Variants in TTC7B observed in about 807,000 individuals in gnomAD.
TTC7B encodes tetratricopeptide repeat domain 7B, also known as tetratricopeptide repeat protein 7B.
In TTC7B, 28 loss-of-function variants were observed where a neutral mutation model predicts 106.8. The ratio of observed to expected loss-of-function variants is 0.26; its 90% CI spans 0.19 to 0.36. TTC7B has a LOEUF of 0.36. Among genes scored for constraint, TTC7B ranks in the 10% least tolerant of loss-of-function variants. TTC7B has a pLI of 1.00. For missense variants in TTC7B, 862 were observed against 1,076.4 expected (o/e 0.80, Z 2.79); for synonymous variants, 405 against 430.6 (o/e 0.94, Z 0.74).
chr14:90,689,888 GAAAAT>G (rs1312607924), intron 6 of TTC7B, among the ~76,000 whole-genome samples, 176 bp from the exon 7 acceptor site: 2 of 152,164 alleles, frequency 1.3e-5, no homozygotes, highest in East Asian at 3.8e-4. Flanking sequence ...AGAAAGAAAA[GAAAAT>G]ATGATTCACT....
rs374076295 is a variant in TTC7B, at chr14:90,744,950, G to A, written c.446-28C>T. 5.0e-6 allele frequency: 8 copies of A among 1,609,698 alleles called. 1 individual carries two copies. Among genetic ancestry groups the A allele is most frequent in the Non-Finnish European group, 5.9e-6 (7 of 1,178,938 alleles). On this transcript the variant is annotated intron_variant, in intron 3 of 19. Transcript: ENST00000328459. ...TAAAAAAATATCAGACACAAAAACT[G>A]AGTGAATTTTTTTTCATAAGGCTTC...
intron 15 of TTC7B, among the ~76,000 whole-genome samples, chr14:90,643,349 A>C (rs888442548): frequency 2.0e-5 from 3 of 152,020 alleles, no homozygotes; most frequent in African/African-American, 7.2e-5. Context: ...TGGAGGTTGC[A>C]GTGAGCCGAG....
At position 90,533,513 on chromosome 14, in the gene TTC7B, C is replaced by T. The variant is rs1889336359; in HGVS notation, c.*7855G>A. On this transcript the variant is annotated 3_prime_UTR_variant, in exon 20 of 20. Transcript: ENST00000328459. ...GAAGGAAAGACTTTATGGTGCACCC[C>T]GGGGGCCCCATGCCCTGTCCAGGTT... 1 of 152,430 alleles carries T rather than the reference C, an allele frequency of 6.6e-6. No individual in the cohort carries two copies. Among genetic ancestry groups the T allele is most frequent in the African/African-American group, 2.4e-5 (1 of 41,446 alleles). 9.4% of individuals were successfully genotyped at this position (152,430 alleles called of 1,614,324 possible).
chr14:90,641,342 T>C (rs1020195538), intron 15 of TTC7B, among the ~76,000 whole-genome samples: 1 of 152,210 alleles, frequency 6.6e-6, no homozygotes, highest in Non-Finnish European at 1.5e-5. Context: ...AGGGAAGGTT[T>C]CACCTCCATC....
chr14:90,664,449 T>A lies in TTC7B; in HGVS notation c.1153-6062A>T, dbSNP rs185543680. Among the ~76,000 whole-genome samples, 272 of 152,124 alleles carry A rather than the reference T, an allele frequency of 1.8e-3. 3 individuals are homozygous for A. Among genetic ancestry groups the A allele is most frequent in the African/African-American group, 6.3e-3 (260 of 41,484 alleles). ...CAGGCCCAGCTAATTTTTTGTATTT[T>A]TAGTAGAGATGGGGTTTCACCATGT... is the stretch of plus-strand genomic sequence containing the variant. On this transcript the variant is annotated intron_variant, in intron 9 of 19. Transcript: ENST00000328459.
chr14:90,561,228 G>A (rs1056495773), intron 19 of TTC7B, among the ~76,000 whole-genome samples: 2 of 152,214 alleles, frequency 1.3e-5, no homozygotes, highest in African/African-American at 4.8e-5. Context: ...TCCCCCGAGG[G>A]GCTGGGCCGG....
intron 3 of TTC7B, among the ~76,000 whole-genome samples, chr14:90,753,751 C>G (rs970387209): frequency 2.2e-4 from 34 of 152,206 alleles, no homozygotes; most frequent in Non-Finnish European, 8.8e-5. Flanking sequence ...TTGCTGTTTT[C>G]CTGCCAGAGA....
Position 90,632,155 on chromosome 14 carries a change from C to A in TTC7B, c.1751+11893G>T, listed in dbSNP as rs1884730579. ...CTGTGTGCTCACTCCTTCCAGACAT[C>A]CTTCAGGTATCAGTGGATCATTTCT... is the stretch of plus-strand genomic sequence containing the variant. On this transcript the variant is annotated intron_variant, in intron 15 of 19. Coordinates refer to ENST00000328459, the MANE Select transcript of TTC7B (RefSeq NM_001010854.2). 2.0e-5 allele frequency among the ~76,000 whole-genome samples: 3 copies of A among 152,306 alleles called. No homozygotes were observed. In the South Asian group the frequency reaches 6.2e-4, roughly 32 times the overall value.
rs1251648660 is a variant in TTC7B at position 90,600,916 on chromosome 14, G to T, written c.1967-7290C>A. Among the ~76,000 whole-genome samples the T allele has an allele frequency of 6.6e-6, 1 of 152,144 alleles. No homozygotes were observed. The highest frequency in any genetic ancestry group is 1.5e-5 in the Non-Finnish European group (1 of 68,032). ...TGCATATTCATGAGGCTGTGTCTTGGGGTGGAAGTGCCTTCTGCCTGGGGA... is the reference window on the plus strand; with the variant it reads ...TGCATATTCATGAGGCTGTGTCTTGTGGTGGAAGTGCCTTCTGCCTGGGGA... On this transcript the variant is annotated intron_variant, in intron 17 of 19. Transcript: ENST00000328459. This position sits in a 1 kb window ranked among gnomAD's most constrained non-coding sequence, Gnocchi z 4.3.
intron 19 of TTC7B, among the ~76,000 whole-genome samples, chr14:90,551,206 C>A (rs1566764736): frequency 6.6e-6 from 1 of 152,210 alleles, no homozygotes; most frequent in South Asian, 2.1e-4. Context: ...CAGAGTGGGG[C>A]TAGACAGCAG....
At chr14:90,722,943 T>C (rs1261828054) in intron 5 of TTC7B, among the ~76,000 whole-genome samples, 1 of 152,192 alleles carries the variant, frequency 6.6e-6, no homozygotes, top group African/African-American at 2.4e-5. Context: ...GTCTTCTCTC[T>C]TTACTCTCTG....
intron 19 of TTC7B, among the ~76,000 whole-genome samples, chr14:90,569,015 A>G (rs746414381): frequency 4.6e-5 from 7 of 152,122 alleles, no homozygotes; most frequent in Non-Finnish European, 8.8e-5. Flanking sequence ...AATCCTCTCC[A>G]CTGGGTTTGC....
intron 1 of TTC7B, among the ~76,000 whole-genome samples, chr14:90,791,366 T>C (rs139941625): frequency 3.3e-5 from 5 of 152,288 alleles, no homozygotes; most frequent in Non-Finnish European, 5.9e-5. Flanking sequence ...ACAGAGTCCA[T>C]GCTCAATAAA....
At chr14:90,557,745 G>T (rs1481572141) in intron 19 of TTC7B, among the ~76,000 whole-genome samples, 2 of 152,252 alleles carry the variant, frequency 1.3e-5, no homozygotes, top group Non-Finnish European at 2.9e-5. Flanking sequence ...GCTGCCTGGG[G>T]TGTGGGGACC....
chr14:90,567,978 T>A (rs868353537), intron 19 of TTC7B, among the ~76,000 whole-genome samples: 4 of 152,218 alleles, frequency 2.6e-5, no homozygotes, highest in Admixed American at 6.5e-5. Flanking sequence ...CACGTGGGGT[T>A]GACACGGCCC....
At chr14:90,746,389 T>A (rs1889968661) in intron 3 of TTC7B, among the ~76,000 whole-genome samples, 1 of 152,222 alleles carries the variant, frequency 6.6e-6, no homozygotes, top group Admixed American at 6.5e-5. Flanking sequence ...TATTCTATAA[T>A]CCTTTAGTAC....
At chr14:90,631,206 T>G (rs140993866) in intron 15 of TTC7B, among the ~76,000 whole-genome samples, 1 of 152,352 alleles carries the variant, frequency 6.6e-6, no homozygotes, top group East Asian at 1.9e-4. Context: ...AACCATTCAT[T>G]CATTGATAGG....
chr14:90,671,205 T>C (rs1252852784), intron 9 of TTC7B, among the ~76,000 whole-genome samples: 1 of 152,212 alleles, frequency 6.6e-6, no homozygotes, highest in Non-Finnish European at 1.5e-5. Flanking sequence ...TTGTTAGATG[T>C]GCAATGCTTT....
rs370587525 is a variant in TTC7B, at chr14:90,738,335, C to T, written c.576+6457G>A. On this transcript the variant is annotated intron_variant, in intron 4 of 19. Transcript: ENST00000328459. ...GTAGAGAAAGTTAGTAGAGGCCGGG[C>T]ACGGTGGCTCATGCCTATAATCCCA... Among the ~76,000 whole-genome samples the T allele has an allele frequency of 9.2e-5, 14 of 152,254 alleles. No individual in the cohort carries two copies. The South Asian group carries it at 2.3e-3, about 25-fold the overall frequency.
Sources: allele counts gnomAD v4.1 joint callset (sites outside exome capture counted in the v4.1 genomes callset), GRCh38; gene constraint gnomAD v4.1.1; non-coding constraint Gnocchi (gnomAD v3.1); transcripts MANE v1.5; gene names NCBI Gene and HGNC (gene_info 2026-07-23, HGNC 2026-07-21).